The following METTL22 variants were observed in gnomAD, a reference collection of about 807,000 sequenced individuals.
METTL22 encodes the protein methyltransferase-like protein 22.
A neutral mutation model predicts 48.4 loss-of-function variants in METTL22; 51 were observed. The ratio of observed to expected loss-of-function variants is 1.05; its 90% confidence interval spans 0.84 to 1.33. The LOEUF is 1.33. Among genes scored for constraint, METTL22 ranks in the 40% most tolerant of loss-of-function variants. The pLI is 0.00. For synonymous variants in METTL22, 255 were observed against 214.1 expected (o/e 1.19, Z -1.67); for missense variants, 678 against 526.9 (o/e 1.29, Z -2.81).
intron 6 of METTL22, 112 bp downstream of exon 6, chr16:8,639,274 G>A (rs1328641080): frequency 5.7e-6 from 6 of 1,060,856 alleles, no homozygotes; most frequent in Non-Finnish European, 8.7e-6. Context: ...GTCCCTTGCA[G>A]CAGGTGAGTA....
At chr16:8,658,469 G>T in the METTL22 span, among the ~76,000 whole-genome samples, 1 of 152,192 alleles carries the variant, frequency 6.6e-6, no homozygotes, top group African/African-American at 2.4e-5. Context: ...CAAAGCTGAA[G>T]GAGACAGGGA....
intron 8 of METTL22, 47 bp from the exon 9 acceptor site, chr16:8,642,416 A>G (rs1386010570): frequency 5.8e-6 from 9 of 1,563,342 alleles, no homozygotes; most frequent in Non-Finnish European, 7.9e-6. Context: ...CGATTTCTGT[A>G]ATATTTGCGT....
chr16:8,626,734 C>A (rs1289991152), intron 2 of METTL22, among the ~76,000 whole-genome samples: 2 of 149,820 alleles, frequency 1.3e-5, no homozygotes, highest in Non-Finnish European at 3.0e-5. Context: ...CGGGCATGAA[C>A]CACCGCATCC....
the METTL22 span, among the ~76,000 whole-genome samples, chr16:8,661,255 T>C: frequency 6.6e-5 from 10 of 151,874 alleles, no homozygotes; most frequent in Non-Finnish European, 1.3e-4. Flanking sequence ...GGACCCTAAC[T>C]AACCTGCTAT....
downstream of METTL22, among the ~76,000 whole-genome samples, chr16:8,654,234 G>A (rs1361863020): frequency 2.0e-5 from 3 of 152,192 alleles, no homozygotes; most frequent in Non-Finnish European, 4.4e-5. Context: ...GAGGGATAGA[G>A]CCAGGCTTTG....
chr16:8,654,425 T>C (rs1405835881), downstream of METTL22, among the ~76,000 whole-genome samples: 1 of 152,224 alleles, frequency 6.6e-6, no homozygotes, highest in Non-Finnish European at 1.5e-5. Context: ...ATTGGGGGAA[T>C]GGAATTGATG....
intron 3 of METTL22, among the ~76,000 whole-genome samples, chr16:8,633,432 A>G (rs894878499): frequency 1.1e-4 from 16 of 152,124 alleles, no homozygotes; most frequent in African/African-American, 3.9e-4. Context: ...CCCTATCTCT[A>G]CAAAAACTAC....
downstream of METTL22, among the ~76,000 whole-genome samples, chr16:8,650,144 A>G (rs2056873302): frequency 6.6e-6 from 1 of 152,210 alleles, no homozygotes; most frequent in South Asian, 2.1e-4. Context: ...TGGGCAACAT[A>G]CAGAGACCCT....
In METTL22 at chr16:8,642,555, G is replaced by A; in HGVS notation, c.1000G>A (p.Val334Met). ...LKNACTAILS[V>M]EKRLNFTLRH... ...AAATGCCTGCACAGCCATACTGTCG[G>A]TGGAGAAGAGGTGAGCTTTGCGCCA... Residue 334 changes from valine (V) to methionine (M), a missense_variant, in exon 9 of 11, where the codon GTG becomes ATG. Transcript: ENST00000381920. 2 of 1,614,212 alleles carry A rather than the reference G, an allele frequency of 1.2e-6. No homozygotes were observed. The highest frequency in any genetic ancestry group is 2.2e-5 in the South Asian group (2 of 91,088).
At chr16:8,622,024 C>T (rs559667481) in intron 1 of METTL22, among the ~76,000 whole-genome samples, 4 of 152,310 alleles carry the variant, frequency 2.6e-5, no homozygotes, top group East Asian at 1.9e-4. Flanking sequence ...GGGCAGTGCC[C>T]GACCTGTGAC....
At chr16:8,641,666 G>T in intron 7 of METTL22, 1 of 379,486 alleles carries the variant, frequency 2.6e-6, no homozygotes, top group Non-Finnish European at 5.1e-6. Flanking sequence ...CCTGTCAGAT[G>T]GCAGATGGGA....
rs563831976 is a variant in METTL22, at chr16:8,629,085, C to T, written c.489C>T (p.Gly163=). Reference sequence around the variant, plus strand: ...ACGTCCTGGGAGAGGAAGCACAAGGCAGCCCGCACGATATCATCAGAATAG... The same window carrying T: ...ACGTCCTGGGAGAGGAAGCACAAGGTAGCCCGCACGATATCATCAGAATAG... ...EDDVLGEEAQ[G]SPHDIIRIEH... The change falls in exon 3 of 11, where the codon GGC becomes GGT. Residue 163 remains glycine, a synonymous_variant. Coordinates refer to ENST00000381920, the MANE Select transcript of METTL22 (RefSeq NM_024109.4). The T allele has an allele frequency of 4.3e-6, 7 of 1,613,520 alleles. No homozygotes were observed. The African/African-American group carries it at 9.3e-5, about 22-fold the overall frequency.
intron 5 of METTL22, among the ~76,000 whole-genome samples, chr16:8,636,417 A>C (rs907643121): frequency 2.0e-5 from 3 of 151,166 alleles, no homozygotes; most frequent in Non-Finnish European, 4.4e-5. Flanking sequence ...GGGCACCTGT[A>C]ATCCCAGCTA....
chr16:8,635,016 C>A (rs2056377930), intron 3 of METTL22, 23 bp from the exon 4 acceptor site: 3 of 1,612,934 alleles, frequency 1.9e-6, no homozygotes, highest in Admixed American at 1.7e-5. Flanking sequence ...GTGGGCATTT[C>A]TCTTGGTTTC....
chr16:8,657,789 T>G, the METTL22 span, among the ~76,000 whole-genome samples: 2 of 152,018 alleles, frequency 1.3e-5, no homozygotes, highest in African/African-American at 4.8e-5. Flanking sequence ...CTAAATCTAA[T>G]GACTGGTGTC....
chr16:8,656,307 A>G, the METTL22 span, among the ~76,000 whole-genome samples: 2 of 152,212 alleles, frequency 1.3e-5, no homozygotes, highest in African/African-American at 4.8e-5. Flanking sequence ...ATGTAGCAGG[A>G]TGCCACTTCC....
intron 3 of METTL22, among the ~76,000 whole-genome samples, chr16:8,632,433 T>C (rs1306675116): frequency 6.6e-6 from 1 of 152,218 alleles, no homozygotes; most frequent in African/African-American, 2.4e-5. Flanking sequence ...CTCAAACTCC[T>C]GGCTTCAGGC....
At chr16:8,665,484 G>A in the METTL22 span, among the ~76,000 whole-genome samples, 3 of 152,162 alleles carry the variant, frequency 2.0e-5, no homozygotes, top group Admixed American at 6.5e-5. Flanking sequence ...GAGACTGAGC[G>A]TTTGCATACA....
chr16:8,651,350 G>A (rs1421960331), downstream of METTL22, among the ~76,000 whole-genome samples: 8 of 125,970 alleles, frequency 6.4e-5, no homozygotes, highest in African/African-American at 3.0e-5. Flanking sequence ...TCGAGCCACT[G>A]CACTCCAGCC....
Sources: gnomAD v4.1 joint callset for allele counts (sites outside exome capture counted in the v4.1 genomes callset) on GRCh38, gnomAD v4.1.1 for gene constraint, MANE v1.5 for transcripts, NCBI Gene and HGNC (gene_info 2026-07-23, HGNC 2026-07-21) for gene names.